Variants in TENM4 observed in about 807,000 individuals in gnomAD.
TENM4 encodes teneurin transmembrane protein 4, also known as teneurin-4.
A neutral mutation model predicts 243.3 loss-of-function variants in TENM4; 82 were observed. The observed-to-expected ratio is 0.34, with a 90% confidence interval of 0.28 to 0.40. The LOEUF (loss-of-function observed/expected upper bound fraction) is 0.40, where lower values mean the gene tolerates loss of function less well. TENM4 is among the 10% of genes least tolerant of loss of function. The probability of loss-of-function intolerance (pLI) is 1.00; values close to 1 mark genes in which losing one functional copy is unlikely to be tolerated. For synonymous variants in TENM4, 1,412 were observed against 1,456.3 expected (o/e 0.97, Z 0.69); for missense variants, 3,138 against 3,673.3 (o/e 0.85, Z 3.77).
intron 23 of TENM4, among the ~76,000 whole-genome samples, chr11:78,723,987 TTTTC>T (rs375873132): frequency 0.019 from 2,826 of 151,830 alleles, 90 homozygotes; most frequent in African/African-American, 0.063. Context: ...TTTCTTTTCT[TTTTC>T]TTTCTTTCTT....
At chr11:78,997,408 C>T (rs962108645) in intron 6 of TENM4, among the ~76,000 whole-genome samples, 4 of 152,142 alleles carry the variant, frequency 2.6e-5, no homozygotes, top group Admixed American at 2.0e-4. Flanking sequence ...CAAATGTTAC[C>T]TTTCTTTGCT....
At chr11:79,132,024 C>T (rs1304511015) in intron 4 of TENM4, among the ~76,000 whole-genome samples, 1 of 151,878 alleles carries the variant, frequency 6.6e-6, no homozygotes, top group East Asian at 1.9e-4. Context: ...ACTGGGGCTC[C>T]CAAATTAAAA....
chr11:79,180,822 T>C (rs150525333), intron 3 of TENM4, among the ~76,000 whole-genome samples: 45 of 151,192 alleles, frequency 3.0e-4, no homozygotes, highest in African/African-American at 1.0e-3. Flanking sequence ...CAAAAATAAG[T>C]AAAGAAGACA....
chr11:79,167,459 C>G (rs1397592778), intron 3 of TENM4, among the ~76,000 whole-genome samples: 6 of 152,172 alleles, frequency 3.9e-5, no homozygotes, highest in Non-Finnish European at 8.8e-5. Flanking sequence ...ATAGAGCAAC[C>G]TAGATACAGA....
intron 3 of TENM4, among the ~76,000 whole-genome samples, chr11:79,193,575 G>A (rs1482447138): frequency 6.6e-6 from 1 of 152,050 alleles, no homozygotes; most frequent in Non-Finnish European, 1.5e-5. Context: ...GAGTTGGGCT[G>A]GATGGCTTCT....
At chr11:79,070,756 G>GAACCCCC (rs1860394361) in intron 4 of TENM4, among the ~76,000 whole-genome samples, 2 of 152,156 alleles carry the variant, frequency 1.3e-5, no homozygotes, top group Non-Finnish European at 2.9e-5. Context: ...CTGAGACTCG[G>GAACCCCC]AACCCCCTTC....
At chr11:79,339,714 A>C (rs1857210862) in intron 1 of TENM4, among the ~76,000 whole-genome samples, 1 of 145,744 alleles carries the variant, frequency 6.9e-6, no homozygotes, top group Non-Finnish European at 1.5e-5. Flanking sequence ...ATGAAGGAGC[A>C]AGAGAGGGAA....
At chr11:79,099,962 G>A (rs145528622) in intron 4 of TENM4, among the ~76,000 whole-genome samples, 10 of 152,324 alleles carry the variant, frequency 6.6e-5, no homozygotes, top group Middle Eastern at 3.4e-3. Flanking sequence ...GGGAGATGCT[G>A]TTCATAGCAG....
At chr11:79,075,387 C>G (rs1860514811) in intron 4 of TENM4, among the ~76,000 whole-genome samples, 1 of 152,178 alleles carries the variant, frequency 6.6e-6, no homozygotes, top group Admixed American at 6.5e-5. Context: ...TGGCCACCTC[C>G]TAGCTGTGTG....
chr11:79,432,931 A>C (rs765686356), intron 1 of TENM4, among the ~76,000 whole-genome samples: 2 of 152,184 alleles, frequency 1.3e-5, no homozygotes, highest in Non-Finnish European at 2.9e-5. Flanking sequence ...TTTCTCTGAC[A>C]CACAGAAAGC....
intron 6 of TENM4, among the ~76,000 whole-genome samples, chr11:78,927,666 C>T (rs1368479628): frequency 6.6e-6 from 1 of 152,162 alleles, no homozygotes; most frequent in Admixed American, 6.5e-5. Context: ...ACTCATGCAC[C>T]TGTGTTAAGG....
intron 6 of TENM4, among the ~76,000 whole-genome samples, chr11:78,984,992 C>T (rs1055803620): frequency 5.9e-5 from 9 of 152,074 alleles, no homozygotes; most frequent in African/African-American, 1.7e-4. Context: ...ATGTCAAGGG[C>T]GGAATCCTGG....
At chr11:78,945,465 C>T (rs910039497) in intron 6 of TENM4, among the ~76,000 whole-genome samples, 4 of 152,190 alleles carry the variant, frequency 2.6e-5, no homozygotes, top group Non-Finnish European at 4.4e-5. Flanking sequence ...GTCTTTCTTC[C>T]TCTCCTCCGG....
chr11:79,083,487 A>G (rs1465841330), intron 4 of TENM4, among the ~76,000 whole-genome samples: 1 of 152,262 alleles, frequency 6.6e-6, no homozygotes, highest in Non-Finnish European at 1.5e-5. Flanking sequence ...CATGAGGGAT[A>G]CAGTTGCCCA....
intron 1 of TENM4, among the ~76,000 whole-genome samples, chr11:79,406,305 T>C (rs577327070): frequency 8.5e-5 from 13 of 152,162 alleles, no homozygotes; most frequent in Non-Finnish European, 1.5e-4. Context: ...AAAAGGAAAA[T>C]GTATCTCATT....
intron 25 of TENM4, among the ~76,000 whole-genome samples, chr11:78,713,174 C>A (rs1277513994): frequency 5.9e-5 from 9 of 152,180 alleles, no homozygotes; most frequent in Admixed American, 5.9e-4. Context: ...TTACAGCAGT[C>A]CCTCATCTCC....
intron 3 of TENM4, among the ~76,000 whole-genome samples, chr11:79,177,494 G>A (rs937075857): frequency 4.6e-5 from 7 of 151,700 alleles, no homozygotes; most frequent in African/African-American, 1.5e-4. Flanking sequence ...CTACATTCAG[G>A]GATCAAGAAT....
chr11:78,903,247 C>T, intron 7 of TENM4, 21 bp downstream of exon 7: 2 of 1,486,102 alleles, frequency 1.3e-6, no homozygotes, highest in South Asian at 2.6e-5. Flanking sequence ...CTCAGCCTCA[C>T]CCTCCCTACC....
At chr11:79,218,418 G>C (rs1864098824) in intron 2 of TENM4, among the ~76,000 whole-genome samples, 1 of 152,094 alleles carries the variant, frequency 6.6e-6, no homozygotes, top group Non-Finnish European at 1.5e-5. Context: ...GGTCCTGCTG[G>C]GGTCCTAGTC....
Sources: gnomAD v4.1 joint callset for allele counts (sites outside exome capture counted in the v4.1 genomes callset) on GRCh38, gnomAD v4.1.1 for gene constraint, MANE v1.5 for transcripts, NCBI Gene and HGNC (gene_info 2026-07-23, HGNC 2026-07-21) for gene names.